RAB9B: variants seen among roughly 807,000 people sequenced by gnomAD.
RAB9B encodes ras-related protein Rab-9B.
RAB9B carries 1 observed loss-of-function variant against 8.9 expected under a neutral mutation model. The ratio of observed to expected loss-of-function variants is 0.11; its 90% CI spans 0.04 to 0.53. The LOEUF (loss-of-function observed/expected upper bound fraction) is 0.53, where lower values mean the gene tolerates loss of function less well. RAB9B is among the 20% of genes least tolerant of loss of function. RAB9B has a pLI of 0.93. For missense variants in RAB9B, 82 were observed against 152.9 expected (o/e 0.54, Z 2.45); for synonymous variants, 63 against 57.0 (o/e 1.10, Z -0.47).
chrX:103,777,111 C>A, the RAB9B span: 1 of 631,125 alleles, frequency 1.6e-6, no homozygotes, highest in Non-Finnish European at 2.6e-6. Flanking sequence ...CGTGTTTTGG[C>A]ACTTGTTTTC....
At chrX:103,810,858 C>T in the RAB9B span, among the ~76,000 whole-genome samples, 1 of 112,091 alleles carries the variant, frequency 8.9e-6, no homozygotes, top group Admixed American at 9.4e-5. Flanking sequence ...GTACCTGACG[C>T]TGGGAAGACA....
chrX:103,807,733 C>T, the RAB9B span, among the ~76,000 whole-genome samples: 2 of 88 alleles, frequency 0.023, no homozygotes, highest in Admixed American at 0.25. Flanking sequence ...GAGGCTCCCC[C>T]AAAGGGCTGT....
chrX:103,801,187 C>T, the RAB9B span, among the ~76,000 whole-genome samples: 1 of 110,900 alleles, frequency 9.0e-6, no homozygotes, highest in Non-Finnish European at 1.9e-5. Context: ...CTCATGACCC[C>T]TCCTCCACAG....
chrX:103,818,737 A>T (rs748499596), downstream of RAB9B, among the ~76,000 whole-genome samples: 36 of 111,389 alleles, frequency 3.2e-4, no homozygotes, highest in South Asian at 7.5e-4. Flanking sequence ...AATCAATTTT[A>T]AAAATACATA....
chrX:103,794,266 A>C, the RAB9B span, among the ~76,000 whole-genome samples: 1 of 111,549 alleles, frequency 9.0e-6, no homozygotes, highest in African/African-American at 3.3e-5. Context: ...CCTTGACTTC[A>C]CGTGGCTCTG....
chrX:103,790,671 C>T, the RAB9B span: 1 of 795,644 alleles, frequency 1.3e-6, no homozygotes, highest in Non-Finnish European at 1.9e-6. Flanking sequence ...CGTCTCCCAT[C>T]TTAACTCTTT....
rs1412131742 is a variant in RAB9B at position 103,825,698 on chromosome X, G to A, written c.87C>T (p.Thr29=). The change falls in exon 3 of 3, where the codon ACC becomes ACT. Residue 29 remains threonine, a synonymous_variant. Transcript: ENST00000243298. ...GAAAAGCCTGGGAGTCAAATTTGTT[G>A]GTTACGTAACGGTTCATAAGCGAAC... ...GKSSLMNRYV[T]NKFDSQAFHT... is the part of the protein sequence containing the mutation. The A allele has an allele frequency of 1.7e-6, 2 of 1,208,994 alleles. No homozygotes were observed. The highest frequency in any genetic ancestry group is 3.5e-5 in the South Asian group (2 of 56,786).
In RAB9B at chrX:103,822,405, C is replaced by T. The variant is rs947299398; in HGVS notation, c.*2774G>A. 1 of 111,710 alleles carries T rather than the reference C, an allele frequency of 9.0e-6. No homozygotes were observed. Among genetic ancestry groups the T allele is most frequent in the Non-Finnish European group, 1.9e-5 (1 of 53,118 alleles). The allele number at this position is 111,710 out of a possible 1,213,427, so 9.2% of individuals were successfully genotyped here. ...CAGTTGAAAGAAAATATTTGATACACAATTTTGAGTTTTTTTTAGCAGCAC... is the reference window on the plus strand; with the variant it reads ...CAGTTGAAAGAAAATATTTGATACATAATTTTGAGTTTTTTTTAGCAGCAC... On this transcript the variant is annotated 3_prime_UTR_variant, in exon 3 of 3. Transcript: ENST00000243298.
chrX:103,794,487 T>C, the RAB9B span, among the ~76,000 whole-genome samples: 1 of 111,574 alleles, frequency 9.0e-6, no homozygotes, highest in Non-Finnish European at 1.9e-5. Flanking sequence ...AGCTATTCAG[T>C]CTGGCCTTTT....
chrX:103,829,269 T>C (rs1426767125), intron 1 of RAB9B, among the ~76,000 whole-genome samples: 1 of 111,826 alleles, frequency 8.9e-6, no homozygotes, highest in Non-Finnish European at 1.9e-5. Context: ...TGGCACAGAA[T>C]CTCAGCATTG....
Position 103,825,067 on chromosome X carries a change from A to G in RAB9B, c.*112T>C. 2 of 813,639 alleles carry G rather than the reference A, an allele frequency of 2.5e-6. No homozygotes were observed. Among genetic ancestry groups the G allele is most frequent in the Non-Finnish European group, 3.5e-6 (2 of 574,898 alleles). 67.1% of individuals were successfully genotyped at this position (813,639 alleles called of 1,213,427 possible). On this transcript the variant is annotated 3_prime_UTR_variant, in exon 3 of 3. Coordinates refer to ENST00000243298, the MANE Select transcript of RAB9B (RefSeq NM_016370.4). The stretch of plus-strand genomic sequence containing the variant: ...TGAAAGGCTCTGTTTCACAATCAGA[A>G]CCTTGTCTCTTACCCTCTTGTGTGC...
chrX:103,816,281 T>C, the RAB9B span, among the ~76,000 whole-genome samples: 3 of 110,710 alleles, frequency 2.7e-5, no homozygotes, highest in East Asian at 8.5e-4. Context: ...ACACCACACA[T>C]CTACCACCAT....
chrX:103,812,898 A>G, the RAB9B span, among the ~76,000 whole-genome samples: 6 of 105,959 alleles, frequency 5.7e-5, no homozygotes, highest in African/African-American at 2.1e-4. Flanking sequence ...GCCTTTAGCA[A>G]TTTGCTTAAC....
chrX:103,780,988 TCTCA>T, the RAB9B span: 1 of 147,289 alleles, frequency 6.8e-6, no homozygotes, highest in South Asian at 1.7e-4. Flanking sequence ...GGGGCCAGTT[TCTCA>T]CTCAATGAGC....
the RAB9B span, among the ~76,000 whole-genome samples, chrX:103,810,141 C>T: frequency 9.0e-6 from 1 of 111,192 alleles, no homozygotes; most frequent in South Asian, 3.9e-4. Flanking sequence ...AGTAAGGGGC[C>T]AGGAAAGAAC....
At chrX:103,797,795 G>A in the RAB9B span, among the ~76,000 whole-genome samples, 3 of 72 alleles carry the variant, frequency 0.042, no homozygotes, top group South Asian at 0.5. Context: ...CCTATTTCAG[G>A]TTCACATTTG....
the RAB9B span, among the ~76,000 whole-genome samples, chrX:103,797,818 C>CT: frequency 0.012 from 1,312 of 111,537 alleles, 23 homozygotes; most frequent in African/African-American, 0.041. Flanking sequence ...ATAGTACCTG[C>CT]CAAAAACTCC....
At chrX:103,816,029 C>T in the RAB9B span, among the ~76,000 whole-genome samples, 1 of 111,768 alleles carries the variant, frequency 8.9e-6, no homozygotes, top group Non-Finnish European at 1.9e-5. Flanking sequence ...AGATTCGATG[C>T]TATCCCCATC....
the RAB9B span, among the ~76,000 whole-genome samples, chrX:103,799,141 T>C: frequency 9.1e-6 from 1 of 109,369 alleles, no homozygotes; most frequent in African/African-American, 3.3e-5. Context: ...TTAATATATA[T>C]ATTTTAATAC....
Sources: allele counts gnomAD v4.1 joint callset (sites outside exome capture counted in the v4.1 genomes callset), GRCh38; gene constraint gnomAD v4.1.1; transcripts MANE v1.5; gene names NCBI Gene and HGNC (gene_info 2026-07-23, HGNC 2026-07-21).